Variants in ELSPBP1 observed in about 807,000 individuals in gnomAD.
ELSPBP1 encodes epididymal sperm-binding protein 1.
ELSPBP1 carries 38 observed loss-of-function variants against 33.3 expected under a neutral mutation model. The ratio of observed to expected loss-of-function variants is 1.14; its 90% confidence interval spans 0.88 to 1.50. The LOEUF (loss-of-function observed/expected upper bound fraction) is 1.50. ELSPBP1 is among the 40% of genes most tolerant of loss of function. ELSPBP1 has a pLI of 0.00. For missense variants in ELSPBP1, 267 were observed against 263.5 expected, an observed-to-expected ratio of 1.01 and a Z score of -0.09; for synonymous variants, 85 against 94.1, an observed-to-expected ratio of 0.90 and a Z score of 0.56.
rs71181628 is a variant in ELSPBP1, at chr19:48,014,753, T to TA, written c.208+455dup. 1.7e-3 allele frequency among the ~76,000 whole-genome samples: 249 copies of TA among 144,406 alleles called. 2 individuals carry two copies. The highest frequency in any genetic ancestry group is 4.1e-3 in the Admixed American group (60 of 14,528). The allele number at this position is 144,406 out of a possible 152,430, so 94.7% of individuals were successfully genotyped here. On this transcript the variant is annotated intron_variant, in intron 3 of 6. Transcript: ENST00000339841. ...AATTACTGTTTTTAATTTCCACAAA[T>TA]AAAAAAAAAAGAAAAAGAAAAGGCT...
chr19:48,023,481 GGGAA>G (rs1372777721), intron 6 of ELSPBP1, among the ~76,000 whole-genome samples: 1 of 43,682 alleles, frequency 2.3e-5, no homozygotes, highest in Admixed American at 3.2e-4. Context: ...GAAGGGAGGA[GGGAA>G]GGGAGGGAGG....
intron 1 of ELSPBP1, among the ~76,000 whole-genome samples, chr19:48,004,405 G>T (rs906565993): frequency 1.3e-5 from 2 of 152,060 alleles, no homozygotes; most frequent in Non-Finnish European, 2.9e-5. Context: ...CCATCCTCCT[G>T]CTCAGCCTCC....
chr19:48,012,651 G>A (rs1482682749), intron 2 of ELSPBP1, among the ~76,000 whole-genome samples: 11 of 152,046 alleles, frequency 7.2e-5, no homozygotes, highest in Non-Finnish European at 1.3e-4. Context: ...TCTAGGTTCT[G>A]TAGATACACT....
intron 5 of ELSPBP1, among the ~76,000 whole-genome samples, chr19:48,020,796 G>A (rs575922895): frequency 6.6e-6 from 1 of 152,188 alleles, no homozygotes; most frequent in South Asian, 2.1e-4. Context: ...TAGCTTCTGA[G>A]GGAAGAAAAT....
At chr19:47,997,384 A>G (rs1168795146) in intron 1 of ELSPBP1, among the ~76,000 whole-genome samples, 1 of 152,158 alleles carries the variant, frequency 6.6e-6, no homozygotes, top group Non-Finnish European at 1.5e-5. Flanking sequence ...ATATACCTGT[A>G]TATGTGCACA....
At position 48,008,126 on chromosome 19, in the gene ELSPBP1, A is replaced by G. The variant is rs541919121; in HGVS notation, c.-17-525A>G. Among the ~76,000 whole-genome samples the G allele has an allele frequency of 6.6e-5, 10 of 152,304 alleles. No individual in the cohort carries two copies. The East Asian group carries it at 1.9e-3, about 29-fold the overall frequency. On this transcript the variant is annotated intron_variant, in intron 1 of 6. Transcript: ENST00000339841. ...CTGCTACACACCTGGGCTATATGAT[A>G]CAGCCTGTGCTTCCAGGCTACAAAC...
At chr19:48,006,943 A>G (rs937348093) in intron 1 of ELSPBP1, among the ~76,000 whole-genome samples, 9 of 152,154 alleles carry the variant, frequency 5.9e-5, no homozygotes, top group African/African-American at 1.2e-4. Flanking sequence ...TTGGGAGAGG[A>G]AAAAAGTTTG....
intron 4 of ELSPBP1, among the ~76,000 whole-genome samples, chr19:48,019,416 A>G (rs1967174373): frequency 6.6e-6 from 1 of 152,126 alleles, no homozygotes; most frequent in Non-Finnish European, 1.5e-5. Context: ...GGAATGAATA[A>G]TAGGGCTATT....
At chr19:48,019,040 G>A (rs879927628) in intron 4 of ELSPBP1, among the ~76,000 whole-genome samples, 7 of 152,144 alleles carry the variant, frequency 4.6e-5, no homozygotes, top group Non-Finnish European at 1.0e-4. Context: ...TGTAATCTCA[G>A]CTACTCGGGA....
At position 48,024,473 on chromosome 19, in the gene ELSPBP1, C is replaced by G. The variant is rs745959405; in HGVS notation, c.*8-479C>G. Among the ~76,000 whole-genome samples, 5 of 152,210 alleles carry G rather than the reference C, an allele frequency of 3.3e-5. No individual in the cohort carries two copies. The South Asian group carries it at 1.0e-3, about 32-fold the overall frequency. On this transcript the variant is annotated intron_variant, in intron 6 of 6. Transcript: ENST00000339841. The stretch of plus-strand genomic sequence containing the variant: ...AAAACCCTGGTGGTTCTAGCAATGT[C>G]TGTCCTTACAATGCATGTGGCTTAT...
At chr19:48,022,425 G>C (rs1017544816) in intron 6 of ELSPBP1, 91 bp downstream of exon 6, 5 of 1,176,048 alleles carry the variant, frequency 4.3e-6, no homozygotes. Context: ...GGCGAGATCT[G>C]CTTTTTCAAG....
intron 1 of ELSPBP1, among the ~76,000 whole-genome samples, chr19:47,999,289 A>G (rs1966943257): frequency 6.6e-6 from 1 of 152,146 alleles, no homozygotes. Flanking sequence ...TTTAAAGTGC[A>G]CAATTTAGTG....
chr19:48,021,769 C>T (rs185044776), intron 5 of ELSPBP1, among the ~76,000 whole-genome samples: 61 of 152,094 alleles, frequency 4.0e-4, no homozygotes, highest in Admixed American at 9.8e-4. Context: ...ATTTTAGAGA[C>T]CGGATCTCCA....
At chr19:48,009,430 T>C (rs1967055876) in intron 2 of ELSPBP1, among the ~76,000 whole-genome samples, 1 of 152,154 alleles carries the variant, frequency 6.6e-6, no homozygotes, top group Non-Finnish European at 1.5e-5. Context: ...TCTTAATATA[T>C]CTCAGAATCT....
In ELSPBP1 at chr19:48,011,212, A is replaced by C. The variant is rs1221371534; in HGVS notation, c.70+2475A>C. Among the ~76,000 whole-genome samples the C allele has an allele frequency of 4.0e-5, 6 of 151,046 alleles. No individual in the cohort carries two copies. The highest frequency in any genetic ancestry group is 1.5e-4 in the African/African-American group (6 of 40,912). ...TACAATAATGATGACAATGATGATGAGAATGACAATAATGGGGTTGATGAT... is the reference window on the plus strand; with the variant it reads ...TACAATAATGATGACAATGATGATGCGAATGACAATAATGGGGTTGATGAT... On this transcript the variant is annotated intron_variant, in intron 2 of 6. Coordinates refer to ENST00000339841, the MANE Select transcript of ELSPBP1 (RefSeq NM_022142.5). This position sits in a 1 kb window ranked among gnomAD's most constrained non-coding sequence, Gnocchi z 4.5.
At chr19:47,998,786 CAAAAAAAAA>C (rs34853595) in intron 1 of ELSPBP1, among the ~76,000 whole-genome samples, 9 of 110,980 alleles carry the variant, frequency 8.1e-5, no homozygotes, top group African/African-American at 1.4e-4. Context: ...GACTCCGTCT[CAAAAAAAAA>C]AAAAAAAAAA....
At chr19:48,024,670 A>G (rs1967251494) in intron 6 of ELSPBP1, among the ~76,000 whole-genome samples, 1 of 152,296 alleles carries the variant, frequency 6.6e-6, no homozygotes. Context: ...AGGACTAGGA[A>G]CAGCGTCCAG....
At chr19:47,999,654 C>T (rs763785978) in intron 1 of ELSPBP1, among the ~76,000 whole-genome samples, 118 of 152,026 alleles carry the variant, frequency 7.8e-4, no homozygotes, top group Admixed American at 2.0e-4. Context: ...TCCCAAAGTG[C>T]TGGGATTACA....
At chr19:48,007,369 GT>G (rs1568404624) in intron 1 of ELSPBP1, among the ~76,000 whole-genome samples, 1 of 152,142 alleles carries the variant, frequency 6.6e-6, no homozygotes, top group East Asian at 1.9e-4. Flanking sequence ...CCAAGCCTCA[GT>G]TTCCCTTTTC....
Sources: gnomAD v4.1 joint callset for allele counts (sites outside exome capture counted in the v4.1 genomes callset) on GRCh38, gnomAD v4.1.1 for gene constraint, Gnocchi (gnomAD v3.1) non-coding constraint, MANE v1.5 for transcripts, NCBI Gene and HGNC (gene_info 2026-07-23, HGNC 2026-07-21) for gene names.